MPPED1: variants seen among roughly 807,000 people sequenced by gnomAD.
MPPED1 encodes metallophosphoesterase domain-containing protein 1.
In MPPED1, 16 loss-of-function variants were observed where a neutral mutation model predicts 36.2. That is an observed-to-expected ratio of 0.44 (90% confidence interval 0.30 to 0.67). The LOEUF (loss-of-function observed/expected upper bound fraction) is 0.67, where lower values mean the gene tolerates loss of function less well. MPPED1 is among the 30% of genes least tolerant of loss of function. The pLI is 0.10. For missense variants in MPPED1, 307 were observed against 453.4 expected, an observed-to-expected ratio of 0.68 and a Z score of 2.93; for synonymous variants, 199 against 191.3, an observed-to-expected ratio of 1.04 and a Z score of -0.33.
At chr22:43,431,843 C>T (rs776795081) in intron 2 of MPPED1, among the ~76,000 whole-genome samples, 1 of 152,174 alleles carries the variant, frequency 6.6e-6, no homozygotes, top group Non-Finnish European at 1.5e-5. Context: ...GGGACTGTGT[C>T]GGGAAATGAG....
chr22:43,472,080 G>A (rs1931395954), intron 3 of MPPED1, among the ~76,000 whole-genome samples: 1 of 152,190 alleles, frequency 6.6e-6, no homozygotes, highest in African/African-American at 2.4e-5. Context: ...TGGGGATTGG[G>A]GCCAGCTGGA....
chr22:43,439,377 G>A (rs1490705230), intron 3 of MPPED1, among the ~76,000 whole-genome samples: 1 of 152,254 alleles, frequency 6.6e-6, no homozygotes, highest in African/African-American at 2.4e-5. Context: ...GCTATAAAGA[G>A]TGAACGCAAA....
At chr22:43,462,435 A>C (rs1423921852) in intron 3 of MPPED1, among the ~76,000 whole-genome samples, 1 of 152,126 alleles carries the variant, frequency 6.6e-6, no homozygotes, top group South Asian at 2.1e-4. Flanking sequence ...CTATGTTTTG[A>C]TTTTTCAATT....
At chr22:43,455,409 C>G (rs1431585469) in intron 3 of MPPED1, among the ~76,000 whole-genome samples, 1 of 152,142 alleles carries the variant, frequency 6.6e-6, no homozygotes, top group Non-Finnish European at 1.5e-5. Flanking sequence ...TGCGCCAGGT[C>G]AATGTCATCT....
At chr22:43,491,768 G>GGTA (rs1310593814) in intron 4 of MPPED1, among the ~76,000 whole-genome samples, 9 of 150,958 alleles carry the variant, frequency 6.0e-5, no homozygotes, top group East Asian at 2.0e-4. Flanking sequence ...TGGTGATGGA[G>GGTA]GTGGTAATGG....
chr22:43,497,074 GGTGGTGGAGGTA>G (rs1358326987), intron 4 of MPPED1, among the ~76,000 whole-genome samples: 10 of 147,374 alleles, frequency 6.8e-5, no homozygotes, highest in South Asian at 2.2e-4. Flanking sequence ...TGGTGGAGGT[GGTGGTGGAGGTA>G]GTGGTGGCGG....
chr22:43,495,541 GGTGGTGGTGGAGA>G (rs1932269244), intron 4 of MPPED1, among the ~76,000 whole-genome samples: 6 of 124,456 alleles, frequency 4.8e-5, no homozygotes, highest in Non-Finnish European at 7.2e-5. Flanking sequence ...TGGTGGAGAT[GGTGGTGGTGGAGA>G]TGGTGGTGGT....
chr22:43,481,986 C>T (rs909022992), intron 4 of MPPED1, among the ~76,000 whole-genome samples: 8 of 152,200 alleles, frequency 5.3e-5, no homozygotes, highest in African/African-American at 1.2e-4. Context: ...GGCGCCGTGA[C>T]GTTCCAGGGC....
intron 4 of MPPED1, among the ~76,000 whole-genome samples, chr22:43,488,951 G>A (rs1455693109): frequency 1.3e-5 from 2 of 152,210 alleles, no homozygotes; most frequent in Non-Finnish European, 2.9e-5. Context: ...AAGTACAGTG[G>A]CTCTTGGGGC....
intron 1 of MPPED1, among the ~76,000 whole-genome samples, chr22:43,424,066 G>A (rs1188916598): frequency 5.9e-5 from 9 of 152,080 alleles, no homozygotes; most frequent in African/African-American, 2.2e-4. Context: ...TCGGTTGGAG[G>A]GATATTTAAG....
intron 3 of MPPED1, among the ~76,000 whole-genome samples, chr22:43,460,017 G>A (rs2146865297): frequency 6.6e-6 from 1 of 151,808 alleles, no homozygotes; most frequent in Admixed American, 6.6e-5. Flanking sequence ...GACCATCCTG[G>A]CCAACATGGT....
chr22:43,447,138 G>T (rs1314080109), intron 3 of MPPED1, among the ~76,000 whole-genome samples: 1 of 152,192 alleles, frequency 6.6e-6, no homozygotes, highest in Non-Finnish European at 1.5e-5. Flanking sequence ...GGCTGTGCCA[G>T]GTTCCCTCGT....
chr22:43,472,332 T>C (rs1931403484), intron 3 of MPPED1, among the ~76,000 whole-genome samples: 1 of 152,186 alleles, frequency 6.6e-6, no homozygotes, highest in South Asian at 2.1e-4. Flanking sequence ...GGGAAGCTCT[T>C]TGGTTTTTTT....
chr22:43,454,353 C>T (rs1323133865), intron 3 of MPPED1, among the ~76,000 whole-genome samples: 1 of 152,176 alleles, frequency 6.6e-6, no homozygotes, highest in Non-Finnish European at 1.5e-5. Context: ...GTTGCCAAGG[C>T]TGGAGTGCAG....
chr22:43,450,520 C>T (rs1930526791), intron 3 of MPPED1, among the ~76,000 whole-genome samples: 1 of 152,184 alleles, frequency 6.6e-6, no homozygotes, highest in Admixed American at 6.5e-5. Context: ...GTTCTGTCTG[C>T]TCTCTGAGCC....
intron 1 of MPPED1, chr22:43,416,910 G>A (rs1329935008): frequency 2.3e-6 from 2 of 864,488 alleles, no homozygotes; most frequent in South Asian, 5.3e-5. Flanking sequence ...AATGGGAATG[G>A]AGAATATTCA....
chr22:43,469,489 G>A (rs1271365931), intron 3 of MPPED1, among the ~76,000 whole-genome samples: 1 of 152,298 alleles, frequency 6.6e-6, no homozygotes, highest in Non-Finnish European at 1.5e-5. Context: ...GCAGGGCGAT[G>A]GGAACACTGG....
chr22:43,468,910 A>G (rs1931265610), intron 3 of MPPED1, among the ~76,000 whole-genome samples: 1 of 151,814 alleles, frequency 6.6e-6, no homozygotes, highest in Non-Finnish European at 1.5e-5. Context: ...AGGCATTTGG[A>G]CCCATTTGTG....
intron 3 of MPPED1, among the ~76,000 whole-genome samples, chr22:43,468,534 G>A (rs1190197387): frequency 6.6e-6 from 1 of 152,222 alleles, no homozygotes; most frequent in Non-Finnish European, 1.5e-5. Flanking sequence ...CTCTGAGGCA[G>A]GAGGCCAGGG....
Sources: allele counts gnomAD v4.1 joint callset (sites outside exome capture counted in the v4.1 genomes callset), GRCh38; gene constraint gnomAD v4.1.1; transcripts MANE v1.5; gene names NCBI Gene and HGNC (gene_info 2026-07-23, HGNC 2026-07-21).